Variants in SLC24A3 observed in about 807,000 individuals in gnomAD.
SLC24A3 encodes sodium/potassium/calcium exchanger 3.
A neutral mutation model predicts 75.8 loss-of-function variants in SLC24A3; 28 were observed. That is an observed-to-expected ratio of 0.37 (90% confidence interval 0.27 to 0.51). SLC24A3 has a LOEUF of 0.51. SLC24A3 is among the 20% of genes least tolerant of loss of function. The pLI, the probability that SLC24A3 is intolerant of heterozygous loss-of-function variation, is 0.94. For missense variants in SLC24A3, 663 were observed against 847.8 expected (o/e 0.78, Z 2.71); for synonymous variants, 372 against 334.1 (o/e 1.11, Z -1.24).
chr20:19,641,629 C>T (rs367995115), intron 6 of SLC24A3, among the ~76,000 whole-genome samples: 1 of 152,054 alleles, frequency 6.6e-6, no homozygotes, highest in African/African-American at 2.4e-5. Flanking sequence ...ATCTATTAGC[C>T]TCATGGGGTG....
At chr20:19,371,818 T>C (rs1985997410) in intron 2 of SLC24A3, among the ~76,000 whole-genome samples, 1 of 151,964 alleles carries the variant, frequency 6.6e-6, no homozygotes, top group Non-Finnish European at 1.5e-5. Flanking sequence ...TACCCCAGAG[T>C]CTGAGGAAGC....
chr20:19,239,983 C>A (rs943653961), intron 1 of SLC24A3, among the ~76,000 whole-genome samples: 12 of 152,196 alleles, frequency 7.9e-5, no homozygotes, highest in Admixed American at 7.2e-4. Flanking sequence ...TGTCTTCCTG[C>A]AGGCTGCCCA....
At chr20:19,514,406 A>T (rs1055880242) in intron 2 of SLC24A3, among the ~76,000 whole-genome samples, 2 of 152,138 alleles carry the variant, frequency 1.3e-5, no homozygotes, top group African/African-American at 4.8e-5. Context: ...ATCATCTAGC[A>T]TATCCTCCCC....
chr20:19,402,457 C>T (rs535304860), intron 2 of SLC24A3, among the ~76,000 whole-genome samples: 57 of 152,302 alleles, frequency 3.7e-4, no homozygotes, highest in African/African-American at 1.3e-3. Context: ...CAAGGCCTCA[C>T]TGCAGACTCT....
chr20:19,559,380 T>G (rs895338390), intron 3 of SLC24A3, among the ~76,000 whole-genome samples: 3 of 152,232 alleles, frequency 2.0e-5, no homozygotes, highest in African/African-American at 7.2e-5. Context: ...ATACATAGCT[T>G]GTGCTTATTT....
chr20:19,381,683 A>C (rs913979421), intron 2 of SLC24A3, among the ~76,000 whole-genome samples: 2 of 152,106 alleles, frequency 1.3e-5, no homozygotes, highest in African/African-American at 4.8e-5. Context: ...TTCTTTCTTT[A>C]TTTCTTAAGG....
intron 1 of SLC24A3, among the ~76,000 whole-genome samples, chr20:19,278,938 CAT>C (rs1983572817): frequency 6.6e-6 from 1 of 152,240 alleles, no homozygotes; most frequent in Admixed American, 6.5e-5. Context: ...TGCCCACAGG[CAT>C]TGTGATTTCC....
At chr20:19,637,815 G>A (rs575965575) in intron 6 of SLC24A3, among the ~76,000 whole-genome samples, 5 of 152,266 alleles carry the variant, frequency 3.3e-5, no homozygotes, top group East Asian at 1.9e-4. Flanking sequence ...ATATGGAATC[G>A]AGAGATACTC....
At chr20:19,530,537 C>G (rs2030277471) in intron 3 of SLC24A3, among the ~76,000 whole-genome samples, 1 of 152,194 alleles carries the variant, frequency 6.6e-6, no homozygotes, top group Non-Finnish European at 1.5e-5. Flanking sequence ...TTCAATATGT[C>G]ACTTGCCCTT....
chr20:19,610,785 T>G (rs1264442852), intron 6 of SLC24A3, among the ~76,000 whole-genome samples: 2 of 152,178 alleles, frequency 1.3e-5, no homozygotes, highest in Non-Finnish European at 2.9e-5. Context: ...CTGGAATATT[T>G]GTACACCAGC....
intron 6 of SLC24A3, among the ~76,000 whole-genome samples, chr20:19,627,066 C>T (rs187642409): frequency 7.4e-4 from 113 of 152,318 alleles, no homozygotes; most frequent in African/African-American, 2.6e-3. Context: ...CCACTTAGAG[C>T]GTATCAGATT....
At chr20:19,718,250 C>T (rs930020513) in intron 16 of SLC24A3, among the ~76,000 whole-genome samples, 5 of 152,160 alleles carry the variant, frequency 3.3e-5, no homozygotes, top group African/African-American at 9.7e-5. Context: ...TTCAGAAGGA[C>T]AGGCAGGAAG....
chr20:19,472,061 T>C (rs1015892531), intron 2 of SLC24A3, among the ~76,000 whole-genome samples: 1 of 152,212 alleles, frequency 6.6e-6, no homozygotes, highest in African/African-American at 2.4e-5. Context: ...AAAATTCCTG[T>C]TGTGTAGAGC....
intron 6 of SLC24A3, among the ~76,000 whole-genome samples, chr20:19,635,490 G>C (rs2031989433): frequency 6.6e-6 from 1 of 152,194 alleles, no homozygotes; most frequent in African/African-American, 2.4e-5. Flanking sequence ...TGTGTAACTA[G>C]CAACCCCAAA....
At chr20:19,573,514 A>C (rs1600285691) in intron 3 of SLC24A3, among the ~76,000 whole-genome samples, 1 of 152,344 alleles carries the variant, frequency 6.6e-6, no homozygotes, top group African/African-American at 2.4e-5. Flanking sequence ...TCAAGTACAG[A>C]GCCCCCAGCT....
intron 1 of SLC24A3, among the ~76,000 whole-genome samples, chr20:19,236,684 C>T (rs764763371): frequency 1.3e-5 from 2 of 152,124 alleles, no homozygotes; most frequent in African/African-American, 2.4e-5. Flanking sequence ...TGAGCCCAGG[C>T]GTTTGAGGCT....
intron 2 of SLC24A3, among the ~76,000 whole-genome samples, chr20:19,429,133 G>A (rs980668096): frequency 7.9e-5 from 12 of 152,198 alleles, no homozygotes; most frequent in African/African-American, 1.2e-4. Context: ...GTTACTAAAT[G>A]CAAAAGAGGT....
intron 1 of SLC24A3, among the ~76,000 whole-genome samples, chr20:19,279,722 G>A (rs1983601890): frequency 6.6e-6 from 1 of 152,074 alleles, no homozygotes; most frequent in African/African-American, 2.4e-5. Context: ...TGACTTCCCT[G>A]AGGCTTGCTG....
chr20:19,389,463 T>C (rs1986330008), intron 2 of SLC24A3, among the ~76,000 whole-genome samples: 1 of 152,094 alleles, frequency 6.6e-6, no homozygotes, highest in Non-Finnish European at 1.5e-5. Context: ...CTCCTTAATT[T>C]CTGAAGGACA....
Sources: allele counts gnomAD v4.1 joint callset (sites outside exome capture counted in the v4.1 genomes callset), GRCh38; gene constraint gnomAD v4.1.1; transcripts MANE v1.5; gene names NCBI Gene and HGNC (gene_info 2026-07-23, HGNC 2026-07-21).